The following PHIP variants were observed in gnomAD, a reference collection of about 807,000 sequenced individuals.
PHIP encodes PHIP subunit of CUL4-Ring ligase complex.
Under a neutral mutation model 236.8 loss-of-function variants are expected in PHIP, and 54 were observed. The observed-to-expected ratio is 0.23, with a 90% CI of 0.18 to 0.29. PHIP has a LOEUF of 0.29. Among genes scored for constraint, PHIP ranks in the 10% least tolerant of loss-of-function variants. PHIP has a pLI of 1.00. For missense variants in PHIP, 1,370 were observed against 2,190.8 expected (o/e 0.63, Z 7.48); for synonymous variants, 756 against 718.9 (o/e 1.05, Z -0.83).
chr6:79,072,054 A>G (rs1182558207), intron 4 of PHIP, among the ~76,000 whole-genome samples: 1 of 152,206 alleles, frequency 6.6e-6, no homozygotes, highest in East Asian at 1.9e-4. Flanking sequence ...TCTTTCTTGA[A>G]TTCTGTTTAA....
chr6:78,983,719 T>C (rs951885897), intron 22 of PHIP, among the ~76,000 whole-genome samples: 2 of 152,100 alleles, frequency 1.3e-5, no homozygotes, highest in African/African-American at 2.4e-5. Context: ...TTAGATAAAA[T>C]TATTCTACCT....
At chr6:79,063,476 G>A (rs966078684) in intron 4 of PHIP, among the ~76,000 whole-genome samples, 2 of 152,158 alleles carry the variant, frequency 1.3e-5, no homozygotes, top group African/African-American at 4.8e-5. Flanking sequence ...GAGTACAATG[G>A]CGGGATCTCG....
At chr6:78,984,269 T>C (rs1768728150) in intron 22 of PHIP, among the ~76,000 whole-genome samples, 1 of 152,216 alleles carries the variant, frequency 6.6e-6, no homozygotes, top group African/African-American at 2.4e-5. Flanking sequence ...CACTATGAAA[T>C]TTAAAATGAT....
intron 7 of PHIP, among the ~76,000 whole-genome samples, chr6:79,039,520 T>C (rs139427794): frequency 6.4e-4 from 97 of 152,268 alleles, no homozygotes; most frequent in African/African-American, 2.2e-3. Flanking sequence ...ATCAATATTG[T>C]TTGTTTACCA....
At position 78,981,367 on chromosome 6, in the gene PHIP, C is replaced by T. The variant is rs548407785; in HGVS notation, c.2769+1519G>A. ...TAGGGAATAAGAACAAGTCCATCTA[C>T]TGTTACATCACTGCTAGGCATGCGA... On this transcript the variant is annotated intron_variant, in intron 23 of 39. Coordinates refer to ENST00000275034, the MANE Select transcript of PHIP (RefSeq NM_017934.7). Among the ~76,000 whole-genome samples, 168 of 152,102 alleles carry T rather than the reference C, an allele frequency of 1.1e-3. 1 individual carries two copies. The highest frequency in any genetic ancestry group is 3.9e-3 in the African/African-American group (162 of 41,536).
At position 78,945,565 on chromosome 6, in the gene PHIP, C is replaced by T; in HGVS notation, c.4631-68G>A. On this transcript the variant is annotated intron_variant, in intron 38 of 39. Transcript: ENST00000275034. ...CCTAAAGATAAGAAAAAAGGTTAAC[C>T]TGAATTATTTGAATTAGCCAAGACA... is the stretch of plus-strand genomic sequence containing the variant. 7.0e-6 allele frequency: 7 copies of T among 993,240 alleles called. No homozygotes were observed. The South Asian group carries it at 9.0e-5, about 13-fold the overall frequency. 61.5% of individuals were successfully genotyped at this position (993,240 alleles called of 1,614,324 possible).
chr6:79,046,114 C>G (rs1006734023), intron 6 of PHIP, among the ~76,000 whole-genome samples: 2 of 152,178 alleles, frequency 1.3e-5, no homozygotes, highest in African/African-American at 2.4e-5. Flanking sequence ...CTCCCATTAT[C>G]TCTAACCTTA....
intron 28 of PHIP, 21 bp from the exon 29 acceptor site, chr6:78,965,785 T>C (rs1365080195): frequency 1.4e-6 from 2 of 1,408,622 alleles, no homozygotes; most frequent in Non-Finnish European, 2.0e-6. Context: ...GAAAAATCAT[T>C]ATATTAAAAA....
At position 78,979,827 on chromosome 6, in the gene PHIP, T is replaced by C. The variant is rs1347197483; in HGVS notation, c.2770-1116A>G. 2.0e-5 allele frequency among the ~76,000 whole-genome samples: 3 copies of C among 152,084 alleles called. 1 individual carries two copies. ...TGTAATTATCAGTATAAAATAATAC[T>C]TGTTTACTAAAAGAAGCAATGCCAT... On this transcript the variant is annotated intron_variant, in intron 23 of 39. Coordinates refer to ENST00000275034, the MANE Select transcript of PHIP (RefSeq NM_017934.7).
intron 16 of PHIP, among the ~76,000 whole-genome samples, chr6:79,002,857 A>G (rs572500531): frequency 6.6e-6 from 1 of 152,224 alleles, no homozygotes; most frequent in Non-Finnish European, 1.5e-5. Context: ...GTGTAATATT[A>G]CTATAAAAAT....
At chr6:79,026,532 T>C (rs1771409129) in intron 7 of PHIP, among the ~76,000 whole-genome samples, 1 of 152,136 alleles carries the variant, frequency 6.6e-6, no homozygotes, top group Admixed American at 6.5e-5. Context: ...ATTATCTATT[T>C]TGTTTTGTAA....
chr6:79,006,706 A>G (rs1258013845), intron 15 of PHIP, among the ~76,000 whole-genome samples: 1 of 152,080 alleles, frequency 6.6e-6, no homozygotes, highest in Non-Finnish European at 1.5e-5. Context: ...TAGTAAAATA[A>G]TTAGAAATAG....
rs150968918 is a variant in PHIP, at chr6:79,048,810, A to C, written c.440-5807T>G. ...TGCTTACAACTTCTGCCAACTCATG[A>C]AAGCAGAGCCCTGCTGGCAGCCTAA... On this transcript the variant is annotated intron_variant, in intron 6 of 39. Transcript: ENST00000275034. Among the ~76,000 whole-genome samples the C allele has an allele frequency of 1.7e-3, 265 of 152,304 alleles. 1 individual carries two copies. Among genetic ancestry groups the C allele is most frequent in the African/African-American group, 6.0e-3 (251 of 41,566 alleles).
At chr6:78,946,933 T>C in intron 36 of PHIP, 59 bp from the exon 37 acceptor site, 1 of 938,254 alleles carries the variant, frequency 1.1e-6, no homozygotes, top group South Asian at 1.7e-5. Flanking sequence ...CTTTGTTCAG[T>C]AAATACTGTA....
At position 78,998,346 on chromosome 6, in the gene PHIP, G is replaced by A; in HGVS notation, c.1925C>T (p.Pro642Leu). The change falls in exon 18 of 40, where the codon CCA becomes CTA. Residue 642 changes from proline (P) to leucine (L), a missense_variant. By Grantham distance (98) the Pro-to-Leu change is moderately conservative (BLOSUM62 -3). This residue lies in a region of PHIP where 133 missense variants were observed against 245.2 expected (regional missense o/e 0.54). Transcript: ENST00000275034. Reference protein sequence around the residue: ...LSQQANQEISPLDSMIQRLQQ... With the variant: ...LSQQANQEISLLDSMIQRLQQ... ...TAGTCTTTGAATCATGCTGTCCAGT[G>A]GGCTGATCTCCTGGTTTGCTTGCTG... 3 of 1,613,346 alleles carry A rather than the reference G, an allele frequency of 1.9e-6. No individual in the cohort carries two copies. Among genetic ancestry groups the A allele is most frequent in the Non-Finnish European group, 2.5e-6 (3 of 1,179,410 alleles).
intron 24 of PHIP, among the ~76,000 whole-genome samples, chr6:78,973,125 G>A (rs1767730774): frequency 6.6e-6 from 1 of 152,152 alleles, no homozygotes; most frequent in South Asian, 2.1e-4. Context: ...GGCAGCCAGA[G>A]AGAAAGGTCG....
chr6:78,966,205 A>T lies in PHIP; in HGVS notation c.3206-149T>A, dbSNP rs903842808. 1.3e-4 allele frequency: 74 copies of T among 583,306 alleles called. No individual in the cohort carries two copies. In the Middle Eastern group the frequency reaches 1.6e-3, roughly 13 times the overall value. The allele number at this position is 583,306 out of a possible 1,614,324, so 36.1% of individuals were successfully genotyped here. On this transcript the variant is annotated intron_variant, in intron 27 of 39. Coordinates refer to ENST00000275034, the MANE Select transcript of PHIP (RefSeq NM_017934.7). The stretch of plus-strand genomic sequence containing the variant: ...ACAAACTCCAAAAATAAGTAAGTAC[A>T]ATCAGCAATACCAAGAGAAAAAAGG...
chr6:79,006,001 T>C (rs528771446), intron 15 of PHIP, among the ~76,000 whole-genome samples: 1 of 152,148 alleles, frequency 6.6e-6, no homozygotes, highest in Non-Finnish European at 1.5e-5. Context: ...ATATAACACA[T>C]TTCATTGTGA....
At chr6:79,047,706 T>C (rs1048578753) in intron 6 of PHIP, among the ~76,000 whole-genome samples, 3 of 152,094 alleles carry the variant, frequency 2.0e-5, no homozygotes, top group African/African-American at 7.2e-5. Context: ...CCCCACAATT[T>C]CACAAATTTT....
Sources: gnomAD v4.1 joint callset for allele counts (sites outside exome capture counted in the v4.1 genomes callset) on GRCh38, gnomAD v4.1.1 for gene constraint, gnomAD v4.1.1 regional missense constraint, MANE v1.5 for transcripts, NCBI Gene and HGNC (gene_info 2026-07-23, HGNC 2026-07-21) for gene names.